Variants in MAGI1 observed in about 807,000 individuals in gnomAD.
MAGI1 encodes membrane-associated guanylate kinase, WW and PDZ domain-containing protein 1.
Under a neutral mutation model 139.9 loss-of-function variants are expected in MAGI1, and 58 were observed. The observed-to-expected ratio is 0.41, with a 90% CI of 0.34 to 0.52. The LOEUF is 0.52. Among genes scored for constraint, MAGI1 ranks in the 20% least tolerant of loss-of-function variants. MAGI1 has a pLI of 0.12. For missense variants in MAGI1, 1,874 were observed against 1,901.6 expected, an observed-to-expected ratio of 0.99 and a Z score of 0.27; for synonymous variants, 812 against 737.9, an observed-to-expected ratio of 1.10 and a Z score of -1.63.
chr3:65,364,234 T>C (rs1019453503), intron 20 of MAGI1, among the ~76,000 whole-genome samples: 1 of 151,814 alleles, frequency 6.6e-6, no homozygotes, highest in Non-Finnish European at 1.5e-5. Flanking sequence ...TCCTCAAATT[T>C]GTTTCACCTG....
intron 1 of MAGI1, among the ~76,000 whole-genome samples, chr3:65,796,156 A>G (rs2040135374): frequency 6.6e-6 from 1 of 152,026 alleles, no homozygotes; most frequent in South Asian, 2.1e-4. Context: ...CCGGGGTCCC[A>G]GGGAAGAACT....
intron 1 of MAGI1, among the ~76,000 whole-genome samples, chr3:65,945,408 A>G (rs577858764): frequency 6.6e-6 from 1 of 152,338 alleles, no homozygotes; most frequent in East Asian, 1.9e-4. Context: ...CATTCATTTC[A>G]TGAAAACTTA....
chr3:65,422,344 A>G (rs1211617189), intron 12 of MAGI1, among the ~76,000 whole-genome samples: 1 of 152,222 alleles, frequency 6.6e-6, no homozygotes, highest in Non-Finnish European at 1.5e-5. Context: ...GACACAATGA[A>G]CAATGCATCT....
chr3:65,447,034 T>C (rs1444673584), intron 7 of MAGI1, among the ~76,000 whole-genome samples: 1 of 152,230 alleles, frequency 6.6e-6, no homozygotes, highest in Non-Finnish European at 1.5e-5. Flanking sequence ...AATAGACTTA[T>C]ATTTTCAGGT....
chr3:65,594,801 T>A (rs546272486), intron 2 of MAGI1, among the ~76,000 whole-genome samples: 19 of 152,108 alleles, frequency 1.2e-4, no homozygotes, highest in Non-Finnish European at 2.2e-4. Flanking sequence ...TGGGGGGGTG[T>A]CTTTTGATTT....
chr3:65,410,800 G>A (rs1286811219), intron 12 of MAGI1, among the ~76,000 whole-genome samples: 1 of 150,842 alleles, frequency 6.6e-6, no homozygotes, highest in Non-Finnish European at 1.5e-5. Flanking sequence ...AATACAACGA[G>A]ATCAGTCTCT....
chr3:65,704,246 C>T (rs1436641322), intron 1 of MAGI1, among the ~76,000 whole-genome samples: 3 of 152,224 alleles, frequency 2.0e-5, no homozygotes, highest in African/African-American at 7.2e-5. Context: ...CAGCCCTGAA[C>T]AGAGCTCTGT....
chr3:65,356,916 C>T lies in MAGI1; in HGVS notation c.3851G>A (p.Gly1284Glu). Reference protein sequence around the residue: ...RQPNEHHTWNGTSRKPDSGAC... With the variant: ...RQPNEHHTWNETSRKPDSGAC... Reference sequence around the variant, plus strand: ...CCCGCTGTCGGGTTTCCTCGAAGTCCCATTCCAGGTGTGGTGTTCATTGGG... The same window carrying T: ...CCCGCTGTCGGGTTTCCTCGAAGTCTCATTCCAGGTGTGGTGTTCATTGGG... Residue 1284 changes from glycine to glutamate, a missense_variant, in exon 23 of 23, where the codon GGG (glycine) becomes GAG (glutamate). By Grantham distance (98) the Gly-to-Glu change is moderately conservative. Around this residue, in one of 5 missense-constraint regions of MAGI1, gnomAD observed 653 missense variants for 644.5 expected, o/e 1.01. Transcript: ENST00000402939. 5 of 1,614,174 alleles carry T rather than the reference C, an allele frequency of 3.1e-6. No homozygotes were observed. The highest frequency in any genetic ancestry group is 4.2e-6 in the Non-Finnish European group (5 of 1,180,016).
intron 1 of MAGI1, among the ~76,000 whole-genome samples, chr3:65,939,138 G>A (rs2063191889): frequency 6.6e-6 from 1 of 152,132 alleles, no homozygotes; most frequent in East Asian, 1.9e-4. Context: ...TGCATTAAAT[G>A]GGCTACTAAG....
chr3:65,755,213 G>C (rs2036470849), intron 1 of MAGI1, among the ~76,000 whole-genome samples: 1 of 152,134 alleles, frequency 6.6e-6, no homozygotes, highest in South Asian at 2.1e-4. Flanking sequence ...CTCCCAAAGT[G>C]CTGGGATTAC....
intron 1 of MAGI1, among the ~76,000 whole-genome samples, chr3:65,735,142 A>G (rs1388712149): frequency 2.0e-5 from 3 of 152,196 alleles, no homozygotes; most frequent in African/African-American, 4.8e-5. Flanking sequence ...ATGTTTCATC[A>G]AATACATATT....
chr3:65,432,534 C>G lies in MAGI1; in HGVS notation c.1364-1653G>C, dbSNP rs566836049. Among the ~76,000 whole-genome samples the G allele has an allele frequency of 5.3e-5, 8 of 152,292 alleles. No individual in the cohort carries two copies. The East Asian group carries it at 1.5e-3, about 29-fold the overall frequency. On this transcript the variant is annotated intron_variant, in intron 10 of 22. Coordinates refer to ENST00000402939, the MANE Select transcript of MAGI1 (RefSeq NM_001033057.2). ...TTTAAATTGCCTGCAATCAGAGGTC[C>G]TTTCGCTAACCTGCTCTCTAGCGCA...
intron 1 of MAGI1, among the ~76,000 whole-genome samples, chr3:65,864,614 G>A (rs1258874637): frequency 1.3e-5 from 2 of 152,206 alleles, no homozygotes; most frequent in East Asian, 3.9e-4. Flanking sequence ...TTTCATTCTG[G>A]TTTCCCAGAT....
intron 2 of MAGI1, among the ~76,000 whole-genome samples, chr3:65,591,867 T>C (rs1028088324): frequency 1.3e-5 from 2 of 152,190 alleles, no homozygotes; most frequent in African/African-American, 2.4e-5. Flanking sequence ...TGCTTATATG[T>C]TACTTTTCCA....
chr3:65,487,850 C>T (rs144853993), intron 3 of MAGI1, among the ~76,000 whole-genome samples: 2,832 of 152,300 alleles, frequency 0.019, 78 homozygotes, highest in African/African-American at 0.065. Context: ...TCTTGTTGAG[C>T]AGGTCCTCAA....
chr3:65,650,182 C>T (rs1339604893), intron 1 of MAGI1, among the ~76,000 whole-genome samples: 1 of 152,152 alleles, frequency 6.6e-6, no homozygotes, highest in Non-Finnish European at 1.5e-5. Context: ...GGTGCTCTTC[C>T]ACCCTGTGCC....
chr3:65,866,018 T>C (rs531320096), intron 1 of MAGI1, among the ~76,000 whole-genome samples: 132 of 152,188 alleles, frequency 8.7e-4, no homozygotes, highest in Middle Eastern at 3.4e-3. Flanking sequence ...GAGAGAAAAA[T>C]AGGTTTCAAA....
At chr3:65,824,925 T>C (rs960866668) in intron 1 of MAGI1, among the ~76,000 whole-genome samples, 1 of 152,202 alleles carries the variant, frequency 6.6e-6, no homozygotes, top group African/African-American at 2.4e-5. Flanking sequence ...AGTACATGGA[T>C]ACTAAATACT....
At chr3:65,753,896 G>A (rs996736244) in intron 1 of MAGI1, among the ~76,000 whole-genome samples, 4 of 151,908 alleles carry the variant, frequency 2.6e-5, no homozygotes, top group Admixed American at 6.6e-5. Context: ...CAGAAGGAGC[G>A]AACCACCTAA....
Sources: gnomAD v4.1 joint callset for allele counts (sites outside exome capture counted in the v4.1 genomes callset) on GRCh38, gnomAD v4.1.1 for gene constraint, gnomAD v4.1.1 regional missense constraint, MANE v1.5 for transcripts, NCBI Gene and HGNC (gene_info 2026-07-23, HGNC 2026-07-21) for gene names.